The following POFUT1 variants were observed in gnomAD, a reference collection of about 807,000 sequenced individuals.
POFUT1 encodes protein O-fucosyltransferase 1.
Under a neutral mutation model 42.4 loss-of-function variants are expected in POFUT1, and 16 were observed. The ratio of observed to expected loss-of-function variants is 0.38; its 90% CI spans 0.26 to 0.57. The LOEUF (loss-of-function observed/expected upper bound fraction) is 0.57. POFUT1 is among the 20% of genes least tolerant of loss of function. The pLI, the probability that POFUT1 is intolerant of heterozygous loss-of-function variation, is 0.71. For synonymous variants in POFUT1, 206 were observed against 205.4 expected (o/e 1.00, Z -0.03); for missense variants, 470 against 504.6 (o/e 0.93, Z 0.66).
At chr20:32,227,649 G>A (rs1324171815) in intron 4 of POFUT1, among the ~76,000 whole-genome samples, 1 of 152,202 alleles carries the variant, frequency 6.6e-6, no homozygotes, top group East Asian at 1.9e-4. Context: ...ATTATGAGAT[G>A]GACTGTGTAT....
At chr20:32,211,430 C>T (rs2122563774) in intron 2 of POFUT1, among the ~76,000 whole-genome samples, 2 of 152,260 alleles carry the variant, frequency 1.3e-5, no homozygotes, top group East Asian at 3.9e-4. Context: ...CACCACCACG[C>T]CCAGCTAATT....
In POFUT1 at chr20:32,238,650, C is replaced by T. The variant is rs1180461989; in HGVS notation, c.*3989C>T. On this transcript the variant is annotated 3_prime_UTR_variant, in exon 7 of 7. Transcript: ENST00000375749. ...GAGTAATAAAATGAACTCACAGTTT[C>T]AACAATGACCCACATTTTACCAGTC... is the stretch of plus-strand genomic sequence containing the variant. 1 of 152,082 alleles carries T rather than the reference C, an allele frequency of 6.6e-6. No individual in the cohort carries two copies. The highest frequency in any genetic ancestry group is 1.5e-5 in the Non-Finnish European group (1 of 68,030). 9.4% of individuals were successfully genotyped at this position (152,082 alleles called of 1,614,324 possible).
rs1033948921 is a variant in POFUT1 at position 32,237,341 on chromosome 20, A to G, written c.*2680A>G. 1 of 158,332 alleles carries G rather than the reference A, an allele frequency of 6.3e-6. No individual in the cohort carries two copies. The highest frequency in any genetic ancestry group is 6.0e-5 in the Admixed American group (1 of 16,646). 9.8% of individuals were successfully genotyped at this position (158,332 alleles called of 1,614,324 possible). A position where few individuals can be genotyped will look rare whatever the true frequency, so the allele number is the denominator to read the frequency against. Reference sequence around the variant, plus strand: ...AATAAATGTACTGTGGGACATGTTAATAAGTGCTATAAAGAAATATAAAGG... The same window carrying G: ...AATAAATGTACTGTGGGACATGTTAGTAAGTGCTATAAAGAAATATAAAGG... On this transcript the variant is annotated 3_prime_UTR_variant, in exon 7 of 7. Coordinates refer to ENST00000375749, the MANE Select transcript of POFUT1 (RefSeq NM_015352.2).
rs757533393 is a variant in POFUT1, at chr20:32,216,664, C to G, written c.485C>G (p.Ser162Trp). The change falls in exon 4 of 7, where the codon TCG (serine) becomes TGG (tryptophan). Residue 162 changes from serine to tryptophan, a missense_variant. Coordinates refer to ENST00000375749, the MANE Select transcript of POFUT1 (RefSeq NM_015352.2). ...CAGTTTCATGTGAGTTTCAACAAGT[C>G]GGAGCTTTTTACAGGCATTTCCTTC... ...WDQFHVSFNK[S>W]ELFTGISFSA... 36 of 1,613,922 alleles carry G rather than the reference C, an allele frequency of 2.2e-5. No homozygotes were observed. Among genetic ancestry groups the G allele is most frequent in the South Asian group, 3.3e-5 (3 of 91,082 alleles).
intron 4 of POFUT1, among the ~76,000 whole-genome samples, chr20:32,225,128 A>G (rs1191428124): frequency 1.3e-5 from 2 of 152,230 alleles, no homozygotes; most frequent in African/African-American, 4.8e-5. Context: ...TTAACTACAT[A>G]CATGTAGATC....
chr20:32,211,008 G>A (rs2047324909), intron 2 of POFUT1, among the ~76,000 whole-genome samples: 1 of 152,202 alleles, frequency 6.6e-6, no homozygotes, highest in South Asian at 2.1e-4. Flanking sequence ...GAGTACCAGA[G>A]ATCATAGTCT....
At chr20:32,231,330 T>C in intron 6 of POFUT1, 1 of 442,562 alleles carries the variant, frequency 2.3e-6, no homozygotes, top group Non-Finnish European at 4.2e-6. Context: ...CTTTCTGGAC[T>C]GTATGAGACT....
In POFUT1 at chr20:32,237,266, C is replaced by G. The variant is rs577251922; in HGVS notation, c.*2605C>G. On this transcript the variant is annotated 3_prime_UTR_variant, in exon 7 of 7. Coordinates refer to ENST00000375749, the MANE Select transcript of POFUT1 (RefSeq NM_015352.2). ...ACTGGGGATACAGGAGAGAATCAAG[C>G]GTAAAGTCTTTGTTCTCAAGGAATT... is the stretch of plus-strand genomic sequence containing the variant. 11 of 156,244 alleles carry G rather than the reference C, an allele frequency of 7.0e-5. No individual in the cohort carries two copies. In the South Asian group the frequency reaches 2.1e-3, roughly 30 times the overall value. The allele number at this position is 156,244 out of a possible 1,614,324, so 9.7% of individuals were successfully genotyped here.
chr20:32,234,447 T>G (rs1000738757), intron 6 of POFUT1, 26 bp from the exon 7 acceptor site: 1 of 1,574,640 alleles, frequency 6.4e-7, no homozygotes, highest in East Asian at 2.3e-5. Context: ...CACCCCAGCT[T>G]ATATGCTCTG....
chr20:32,216,620 C>T lies in POFUT1; in HGVS notation c.441C>T (p.Pro147=). 1.2e-6 allele frequency: 2 copies of T among 1,612,012 alleles called. No individual in the cohort carries two copies. The change falls in exon 4 of 7, where the codon CCC becomes CCT. Residue 147 remains proline (P), a synonymous_variant. Coordinates refer to ENST00000375749, the MANE Select transcript of POFUT1 (RefSeq NM_015352.2). The part of the protein sequence containing the change: ...KKTCPMKEGN[P]FGPFWDQFHV... The stretch of plus-strand genomic sequence containing the variant: ...CTCTCTTTCTGCAGGAAGGAAACCC[C>T]TTTGGCCCATTCTGGGATCAGTTTC...
At position 32,237,407 on chromosome 20, in the gene POFUT1, G is replaced by T. The variant is rs1263245179; in HGVS notation, c.*2746G>T. The T allele has an allele frequency of 5.8e-6, 1 of 173,886 alleles. No homozygotes were observed. The highest frequency in any genetic ancestry group is 1.5e-4 in the East Asian group (1 of 6,844). The allele number at this position is 173,886 out of a possible 1,614,324, so 10.8% of individuals were successfully genotyped here. A position where few individuals can be genotyped will look rare whatever the true frequency, so the allele number is the denominator to read the frequency against. ...GAGGGAGTGGATCTATTTTAGATGA[G>T]CCCAGGTAAGACCTCTCTGAAGAGC... On this transcript the variant is annotated 3_prime_UTR_variant, in exon 7 of 7. Transcript: ENST00000375749.
chr20:32,213,100 G>T (rs928716363), intron 2 of POFUT1, among the ~76,000 whole-genome samples: 1 of 151,948 alleles, frequency 6.6e-6, no homozygotes. Flanking sequence ...TGTCCAGAGT[G>T]GTCTCCAACT....
chr20:32,230,727 CTGTATA>C (rs1255423215), intron 5 of POFUT1, 86 bp from the exon 6 acceptor site: 2 of 1,420,422 alleles, frequency 1.4e-6, no homozygotes, highest in Non-Finnish European at 1.9e-6. Flanking sequence ...TAGGTTCTTC[CTGTATA>C]GCCTGTCTTT....
intron 3 of POFUT1, among the ~76,000 whole-genome samples, 163 bp from the exon 4 acceptor site, chr20:32,216,446 C>T (rs1202435153): frequency 2.6e-5 from 4 of 152,206 alleles, no homozygotes; most frequent in African/African-American, 7.2e-5. Context: ...CTGCTCAGCC[C>T]CTGGCCTAGG....
intron 2 of POFUT1, among the ~76,000 whole-genome samples, chr20:32,211,322 G>T (rs1305644366): frequency 1.3e-5 from 2 of 149,426 alleles, no homozygotes; most frequent in African/African-American, 5.0e-5. Context: ...TTGCCAGGCT[G>T]GAGTGCAGTG....
chr20:32,224,262 C>G (rs940154989), intron 4 of POFUT1, among the ~76,000 whole-genome samples: 1 of 152,038 alleles, frequency 6.6e-6, no homozygotes. Flanking sequence ...CATGGTGGCA[C>G]GTGCCTGTAA....
intron 4 of POFUT1, chr20:32,217,352 TGGCAGGAAAGACCATG>T (rs1303151397): frequency 8.7e-7 from 1 of 1,147,930 alleles, no homozygotes. Context: ...TGTTATAGCA[TGGCAGGAAAGACCATG>T]GGCTTAGAAG....
In POFUT1 at chr20:32,230,923, G is replaced by C. The variant is rs1450691732; in HGVS notation, c.840G>C (p.Met280Ile). 4 of 1,614,090 alleles carry C rather than the reference G, an allele frequency of 2.5e-6. No individual in the cohort carries two copies. Among genetic ancestry groups the C allele is most frequent in the East Asian group, 2.2e-5 (1 of 44,898 alleles). Reference protein sequence around the residue: ...YSRSTAAPLTMTMCLPDLKEI... With the variant: ...YSRSTAAPLTITMCLPDLKEI... ...GCAGCACAGCGGCCCCCCTCACGAT[G>C]ACTATGTGCCTGCCTGACCTGAAGG... The change falls in exon 6 of 7, where the codon ATG (methionine) becomes ATC (isoleucine). Residue 280 changes from methionine (M) to isoleucine (I), a missense_variant. Physicochemically the swap from Met to Ile is conservative, Grantham distance 10. Coordinates refer to ENST00000375749, the MANE Select transcript of POFUT1 (RefSeq NM_015352.2).
In POFUT1 at chr20:32,234,469, G is replaced by C; in HGVS notation, c.979-4G>C. 1 of 1,598,074 alleles carries C rather than the reference G, an allele frequency of 6.3e-7. No individual in the cohort carries two copies. Among genetic ancestry groups the C allele is most frequent in the African/African-American group, 1.3e-5 (1 of 74,700 alleles). The stretch of plus-strand genomic sequence containing the variant: ...GCTTATATGCTCTGTGCTTCTTCCT[G>C]CAGGTGAAGGTGGTGAGCCTGAAGC... On this transcript the variant is annotated splice_polypyrimidine_tract_variant and splice_region_variant and intron_variant, in intron 6 of 6. Coordinates refer to ENST00000375749, the MANE Select transcript of POFUT1 (RefSeq NM_015352.2).
Sources: gnomAD v4.1 joint callset for allele counts (sites outside exome capture counted in the v4.1 genomes callset) on GRCh38, gnomAD v4.1.1 for gene constraint, MANE v1.5 for transcripts, NCBI Gene and HGNC (gene_info 2026-07-23, HGNC 2026-07-21) for gene names.